BRD3: variants seen among roughly 807,000 people sequenced by gnomAD.
The protein encoded by BRD3 is bromodomain containing 3, also known as bromodomain-containing protein 3.
A neutral mutation model predicts 66.8 loss-of-function variants in BRD3; 17 were observed. That is an observed-to-expected ratio of 0.25 (90% CI 0.17 to 0.38). BRD3 has a LOEUF of 0.38. BRD3 is among the 10% of genes least tolerant of loss of function. The pLI is 1.00. For missense variants in BRD3, 713 were observed against 956.1 expected, an observed-to-expected ratio of 0.75 and a Z score of 3.35; for synonymous variants, 421 against 393.2, an observed-to-expected ratio of 1.07 and a Z score of -0.84.
Position 134,030,544 on chromosome 9 carries a change from T to C in BRD3, c.*3046A>G, listed in dbSNP as rs563751951. The C allele has an allele frequency of 4.7e-6, 1 of 213,508 alleles. No homozygotes were observed. Among genetic ancestry groups the C allele is most frequent in the East Asian group, 7.0e-5 (1 of 14,342 alleles). The allele number at this position is 213,508 out of a possible 1,614,324, so 13.2% of individuals were successfully genotyped here. A position where few individuals can be genotyped will look rare whatever the true frequency, so the allele number is the denominator to read the frequency against. On this transcript the variant is annotated 3_prime_UTR_variant, in exon 12 of 12. Transcript: ENST00000303407. ...AAGTTTAAGAAAAGTTACGGTAAACTTGCATGCACATCATACAGAAAAGTA... is the reference window on the plus strand; with the variant it reads ...AAGTTTAAGAAAAGTTACGGTAAACCTGCATGCACATCATACAGAAAAGTA...
rs200384607 is a variant in BRD3, at chr9:134,050,390, G to A, written c.698C>T (p.Thr233Met). 202 of 1,611,516 alleles carry A rather than the reference G, an allele frequency of 1.3e-4. No individual in the cohort carries two copies. The highest frequency in any genetic ancestry group is 3.8e-4 in the South Asian group (35 of 90,976). The change falls in exon 5 of 12, where the codon ACG becomes ATG. Residue 233 changes from threonine (T) to methionine (M), a missense_variant. This residue lies in a region of BRD3 where 418 missense variants were observed against 609.3 expected (regional missense o/e 0.69). Transcript: ENST00000303407. ...GGTGCTCACCTTGACGACAGGCGGC[G>A]TAGGAGGGACCACGGGGACGATGGG... is the stretch of plus-strand genomic sequence containing the variant. Reference protein sequence around the residue: ...ATPIVPVVPPTPPVVKKKGVK... With the variant: ...ATPIVPVVPPMPPVVKKKGVK...
At chr9:134,066,930 C>T (rs1255424673) in intron 1 of BRD3, among the ~76,000 whole-genome samples, 1 of 152,226 alleles carries the variant, frequency 6.6e-6, no homozygotes, top group Admixed American at 6.5e-5. Flanking sequence ...TGGGTCTCGG[C>T]GGGCCGAGTT....
At position 134,032,060 on chromosome 9, in the gene BRD3, AC is replaced by A. The variant is rs1274044320; in HGVS notation, c.*1529del. On this transcript the variant is annotated 3_prime_UTR_variant, in exon 12 of 12. Transcript: ENST00000303407. ...AGGCTGGCAGGGAGCAGGCATGTCCACCCGCAAGCCTGGGAGGCTAACTCTG... is the reference window on the plus strand; with the variant it reads ...AGGCTGGCAGGGAGCAGGCATGTCCACCGCAAGCCTGGGAGGCTAACTCTG... 2 of 218,556 alleles carry A rather than the reference AC, an allele frequency of 9.2e-6. No homozygotes were observed. The highest frequency in any genetic ancestry group is 9.2e-6 in the Non-Finnish European group (1 of 108,694). 13.5% of individuals were successfully genotyped at this position (218,556 alleles called of 1,614,324 possible).
chr9:134,039,894 C>A, intron 9 of BRD3, 140 bp downstream of exon 9: 1 of 1,442,886 alleles, frequency 6.9e-7, no homozygotes, highest in Non-Finnish European at 9.1e-7. Context: ...TCTCATCAGG[C>A]CCTCTGTCTC....
chr9:134,033,106 A>T lies in BRD3; in HGVS notation c.*484T>A, dbSNP rs200484826. 2 of 399,476 alleles carry T rather than the reference A, an allele frequency of 5.0e-6. No homozygotes were observed. Among genetic ancestry groups the T allele is most frequent in the Non-Finnish European group, 8.8e-6 (2 of 226,684 alleles). The allele number at this position is 399,476 out of a possible 1,614,324, so 24.7% of individuals were successfully genotyped here. A position where few individuals can be genotyped will look rare whatever the true frequency, so the allele number is the denominator to read the frequency against. On this transcript the variant is annotated 3_prime_UTR_variant, in exon 12 of 12. Transcript: ENST00000303407. This position sits in a 1 kb window ranked among gnomAD's most constrained non-coding sequence, Gnocchi z 5.1. Reference sequence around the variant, plus strand: ...ATCTGTCCTCAGCCCCTCCAGAAAGAGGTGGCCGCGTCAGACACGAGGGTC... The same window carrying T: ...ATCTGTCCTCAGCCCCTCCAGAAAGTGGTGGCCGCGTCAGACACGAGGGTC...
chr9:134,040,346 A>C lies in BRD3; in HGVS notation c.1408-77T>G, dbSNP rs1479181751. ...GGGCTGCGTGGCGCCCTGGGATTGG[A>C]GGGGGCTTGGGGCGATGTCGGAGCT... is the stretch of plus-strand genomic sequence containing the variant. On this transcript the variant is annotated intron_variant, in intron 8 of 11. Transcript: ENST00000303407. 14 of 1,502,978 alleles carry C rather than the reference A, an allele frequency of 9.3e-6. No homozygotes were observed. The Admixed American group carries it at 2.8e-4, about 30-fold the overall frequency. The allele number at this position is 1,502,978 out of a possible 1,614,324, so 93.1% of individuals were successfully genotyped here. A position where few individuals can be genotyped will look rare whatever the true frequency, so the allele number is the denominator to read the frequency against.
Position 134,050,356 on chromosome 9 carries a change from C to T in BRD3, c.714+18G>A, listed in dbSNP as rs374848658. The T allele has an allele frequency of 1.0e-5, 16 of 1,603,474 alleles. No individual in the cohort carries two copies. The highest frequency in any genetic ancestry group is 2.1e-4 in the Middle Eastern group (1 of 4,716). On this transcript the variant is annotated intron_variant, in intron 5 of 11. Coordinates refer to ENST00000303407, the MANE Select transcript of BRD3 (RefSeq NM_007371.4). The stretch of plus-strand genomic sequence containing the variant: ...GCCGGGCTCAGGTGCCCCACCCATC[C>T]GGACTCAGGGTGCTCACCTTGACGA...
At chr9:134,059,664 CT>C (rs1830497187) in intron 1 of BRD3, among the ~76,000 whole-genome samples, 1 of 152,208 alleles carries the variant, frequency 6.6e-6, no homozygotes. Flanking sequence ...GGCTGGAAGC[CT>C]GTCTGCTAAA....
At position 134,033,581 on chromosome 9, in the gene BRD3, G is replaced by A. The variant is rs749179090; in HGVS notation, c.*9C>T. 17 of 752,544 alleles carry A rather than the reference G, an allele frequency of 2.3e-5. No individual in the cohort carries two copies. The highest frequency in any genetic ancestry group is 8.5e-5 in the South Asian group (6 of 70,988). 46.6% of individuals were successfully genotyped at this position (752,544 alleles called of 1,614,324 possible). On this transcript the variant is annotated 3_prime_UTR_variant, in exon 12 of 12. Transcript: ENST00000303407. The surrounding 1 kb of genome is among the most constrained non-coding windows in gnomAD (Gnocchi z 5.1). ...GACATCCATCTGTCCTGTTCTGTCC[G>A]AAGCCAGTTCATTCTGAGTCACTGC...
In BRD3 at chr9:134,040,131, C is replaced by T. The variant is rs62639321; in HGVS notation, c.1546G>A (p.Glu516Lys). 7.0e-6 allele frequency: 11 copies of T among 1,567,754 alleles called. No homozygotes were observed. Among genetic ancestry groups the T allele is most frequent in the Admixed American group, 3.8e-5 (2 of 52,894 alleles). The change falls in exon 9 of 12, where the codon GAG becomes AAG. Residue 516 changes from glutamate (E) to lysine (K), a missense_variant. Glu to Lys is a moderately conservative substitution (Grantham distance 56). This residue lies in a region of BRD3 where 418 missense variants were observed against 609.3 expected (regional missense o/e 0.69). Transcript: ENST00000303407. The part of the protein sequence containing the change: ...KEKEKHKVKA[E>K]EEKKAKVAPP... ...GCCACCTTGGCCTTCTTCTCTTCCT[C>T]GGCCTTCACTTTGTGCTTCTCCTTC...
At chr9:134,059,239 T>C (rs1192098444) in intron 1 of BRD3, among the ~76,000 whole-genome samples, 1 of 152,022 alleles carries the variant, frequency 6.6e-6, no homozygotes, top group Non-Finnish European at 1.5e-5. Context: ...GGGAAGAGGG[T>C]GCACCTCCCT....
chr9:134,032,155 T>C lies in BRD3; in HGVS notation c.*1435A>G, dbSNP rs1843520259. On this transcript the variant is annotated 3_prime_UTR_variant, in exon 12 of 12. Transcript: ENST00000303407. ...GGGACATCCCCGTACTCAAAGACCA[T>C]ATGGCAGCCTCTGGGAAAACAAAAC... 4.6e-6 allele frequency: 1 copy of C among 216,588 alleles called. No individual in the cohort carries two copies. Among genetic ancestry groups the C allele is most frequent in the Non-Finnish European group, 9.3e-6 (1 of 107,628 alleles). 13.4% of individuals were successfully genotyped at this position (216,588 alleles called of 1,614,324 possible).
At chr9:134,068,433 G>A (rs1830717992), upstream of BRD3, 1 of 150,150 alleles carries the variant, frequency 6.7e-6, no homozygotes, top group Non-Finnish European at 1.5e-5. Flanking sequence ...GCACCCCGAG[G>A]CCCGCGGGAG....
chr9:134,066,377 G>C (rs997625575), intron 1 of BRD3, among the ~76,000 whole-genome samples: 4 of 152,220 alleles, frequency 2.6e-5, no homozygotes, highest in Admixed American at 2.0e-4. Context: ...ATGAGAGGCT[G>C]CATCAGGGCT....
At position 134,050,464 on chromosome 9, in the gene BRD3, G is replaced by A. The variant is rs200701608; in HGVS notation, c.624C>T (p.Val208=). 165 of 1,612,220 alleles carry A rather than the reference G, an allele frequency of 1.0e-4. No homozygotes were observed. The highest frequency in any genetic ancestry group is 3.6e-4 in the South Asian group (33 of 90,918). The change falls in exon 5 of 12, where the codon GTC becomes GTT. Residue 208 remains valine (V), a synonymous_variant. Transcript: ENST00000303407. ...ATPVPTITAN[V]TSVPVPPAAA... is the part of the protein sequence containing the mutation. ...CAGCTGGGGGGACTGGGACCGACGT[G>A]ACGTTTGCAGTGATGGTTGGTACAG... is the stretch of plus-strand genomic sequence containing the variant.
intron 2 of BRD3, among the ~76,000 whole-genome samples, chr9:134,053,030 G>A (rs1046851918): frequency 3.3e-5 from 5 of 152,154 alleles, no homozygotes; most frequent in Admixed American, 6.5e-5. Context: ...CTTTCCTCCC[G>A]GACACGCGTG....
chr9:134,058,312 G>C (rs933798346), intron 1 of BRD3: 1 of 152,352 alleles, frequency 6.6e-6, no homozygotes, highest in Non-Finnish European at 1.5e-5. Flanking sequence ...AAGTCCCCTG[G>C]GGCCGCAGCA....
intron 7 of BRD3, among the ~76,000 whole-genome samples, chr9:134,043,307 A>G (rs1049251466): frequency 3.3e-5 from 5 of 152,174 alleles, no homozygotes; most frequent in African/African-American, 1.2e-4. Context: ...CCTTTGGACC[A>G]GGACCTAGGC....
At chr9:134,047,981 C>T in intron 6 of BRD3, 102 bp downstream of exon 6, 1 of 1,407,700 alleles carries the variant, frequency 7.1e-7, no homozygotes, top group Non-Finnish European at 9.3e-7. Flanking sequence ...GCAAGCGAGA[C>T]CCTGCTCCCC....
Sources: allele counts gnomAD v4.1 joint callset (sites outside exome capture counted in the v4.1 genomes callset), GRCh38; gene constraint gnomAD v4.1.1; regional missense constraint gnomAD v4.1.1; non-coding constraint Gnocchi (gnomAD v3.1); transcripts MANE v1.5; gene names NCBI Gene and HGNC (gene_info 2026-07-23, HGNC 2026-07-21).